The following CDH23 variants were observed in gnomAD, a reference collection of about 807,000 sequenced individuals.
The protein encoded by CDH23 is cadherin-23.
A neutral mutation model predicts 317.1 loss-of-function variants in CDH23; 189 were observed. The observed-to-expected ratio is 0.60, with a 90% CI of 0.53 to 0.67. The LOEUF (loss-of-function observed/expected upper bound fraction) is 0.67, where lower values mean the gene tolerates loss of function less well. CDH23 is among the 30% of genes least tolerant of loss of function. The pLI, the probability that CDH23 is intolerant of heterozygous loss-of-function variation, is 0.00. For synonymous variants in CDH23, 1,839 were observed against 1,876.8 expected (o/e 0.98, Z 0.52); for missense variants, 4,401 against 4,592.4 (o/e 0.96, Z 1.20).
At chr10:71,531,454 G>T (rs1039212608) in intron 6 of CDH23, among the ~76,000 whole-genome samples, 1 of 152,134 alleles carries the variant, frequency 6.6e-6, no homozygotes, top group Non-Finnish European at 1.5e-5. Flanking sequence ...ATGCCCATTT[G>T]CCCCTTATTT....
In CDH23 at chr10:71,791,337, T is replaced by C; in HGVS notation, c.6253+2T>C. 1 of 1,612,832 alleles carries C rather than the reference T, an allele frequency of 6.2e-7. No individual in the cohort carries two copies. On this transcript the variant is annotated splice_donor_variant, in intron 47 of 69. Coordinates refer to ENST00000224721, the MANE Select transcript of CDH23 (RefSeq NM_022124.6). LOFTEE classifies it high-confidence loss of function. ...ATCTGCTAGAGAACTGCCCGCCTGG[T>C]AAGCAGGGGACAGGCCCCAGCACCC...
intron 23 of CDH23, 85 bp downstream of exon 23, chr10:71,702,296 C>A: frequency 6.9e-7 from 1 of 1,443,312 alleles, no homozygotes; most frequent in Non-Finnish European, 9.6e-7. Context: ...TACCTGGGGC[C>A]CACCCAGGAG....
At chr10:71,761,982 C>T (rs146576171) in intron 38 of CDH23, 77 of 1,613,184 alleles carry the variant, frequency 4.8e-5, no homozygotes, top group Non-Finnish European at 6.0e-5. Context: ...TCGGGACAGA[C>T]ATACAGGGAA....
chr10:71,759,543 C>A (rs573864761), intron 38 of CDH23, among the ~76,000 whole-genome samples: 2 of 151,166 alleles, frequency 1.3e-5, no homozygotes, highest in Non-Finnish European at 2.9e-5. Flanking sequence ...GGCGTGGTGA[C>A]TCACACCTGT....
intron 9 of CDH23, among the ~76,000 whole-genome samples, chr10:71,592,462 T>C (rs6480533): frequency 0.12 from 18,510 of 152,174 alleles, 1,399 homozygotes; most frequent in African/African-American, 0.2. Context: ...GGCTGGTTCC[T>C]TCTAGAAACT....
chr10:71,454,614 G>T lies in CDH23; in HGVS notation c.145+8219G>T, dbSNP rs537554839. On this transcript the variant is annotated intron_variant, in intron 3 of 69. Transcript: ENST00000224721. ...CAGGTGGCCAAGCCAACTTGGGTATGTGTCTGTGCTCAGGCTGCAAAGGGG... is the reference window on the plus strand; with the variant it reads ...CAGGTGGCCAAGCCAACTTGGGTATTTGTCTGTGCTCAGGCTGCAAAGGGG... 3.0e-4 allele frequency among the ~76,000 whole-genome samples: 46 copies of T among 152,256 alleles called. 2 individuals carry two copies. The South Asian group carries it at 8.1e-3, about 27-fold the overall frequency.
chr10:71,691,068 C>G (rs1483667698), intron 20 of CDH23, among the ~76,000 whole-genome samples: 1 of 152,136 alleles, frequency 6.6e-6, no homozygotes, highest in African/African-American at 2.4e-5. Flanking sequence ...CCCTGGCACA[C>G]GAAAAGTGCT....
intron 53 of CDH23, among the ~76,000 whole-genome samples, chr10:71,802,476 A>G (rs1217981820): frequency 1.3e-5 from 2 of 152,168 alleles, no homozygotes; most frequent in Non-Finnish European, 2.9e-5. Flanking sequence ...CACAAATCGC[A>G]GTCAAGAGAA....
At chr10:71,642,690 G>A (rs967032114) in intron 11 of CDH23, among the ~76,000 whole-genome samples, 2 of 152,096 alleles carry the variant, frequency 1.3e-5, no homozygotes, top group Admixed American at 6.5e-5. Context: ...ATGAGCCACC[G>A]CACCCGGCCT....
intron 1 of CDH23, among the ~76,000 whole-genome samples, chr10:71,400,165 A>T (rs1220650785): frequency 6.6e-6 from 1 of 152,212 alleles, no homozygotes; most frequent in Non-Finnish European, 1.5e-5. Flanking sequence ...ATGCCGAGGC[A>T]TGGTGGCAAG....
intron 6 of CDH23, among the ~76,000 whole-genome samples, chr10:71,522,168 T>C (rs901621834): frequency 1.3e-5 from 2 of 151,972 alleles, no homozygotes; most frequent in African/African-American, 4.8e-5. Context: ...ACGTATTACT[T>C]AAGCTTACAT....
intron 3 of CDH23, among the ~76,000 whole-genome samples, chr10:71,509,077 G>A (rs931810723): frequency 1.3e-5 from 2 of 152,198 alleles, no homozygotes; most frequent in Admixed American, 6.5e-5. Context: ...CCTCAGGCCA[G>A]GGCTTTGCTT....
chr10:71,617,442 C>T (rs1175590022), intron 11 of CDH23, 49 bp downstream of exon 11: 2 of 1,592,290 alleles, frequency 1.3e-6, no homozygotes, highest in South Asian at 2.3e-5. Flanking sequence ...CCATCCAGAC[C>T]CACCACCCTG....
At chr10:71,811,925 C>T in intron 65 of CDH23, 30 bp from the exon 66 acceptor site, 1 of 1,613,430 alleles carries the variant, frequency 6.2e-7, no homozygotes, top group Non-Finnish European at 8.5e-7. Flanking sequence ...TATGCCCCTC[C>T]CCTCCATGCC....
intron 12 of CDH23, 140 bp downstream of exon 12, chr10:71,644,006 G>T (rs1027840180): frequency 1.4e-5 from 9 of 652,274 alleles, no homozygotes; most frequent in Non-Finnish European, 2.2e-5. Flanking sequence ...AGGGACCAAA[G>T]GTTCAGGGGA....
intron 6 of CDH23, among the ~76,000 whole-genome samples, chr10:71,536,247 CG>C (rs1049953309): frequency 6.6e-6 from 1 of 152,168 alleles, no homozygotes; most frequent in African/African-American, 2.4e-5. Flanking sequence ...GCACCCTGAA[CG>C]GTATGGCTTG....
Position 71,803,088 on chromosome 10 carries a change from C to A in CDH23, c.7660+13C>A. 1 of 1,605,000 alleles carries A rather than the reference C, an allele frequency of 6.2e-7. No individual in the cohort carries two copies. Among genetic ancestry groups the A allele is most frequent in the Non-Finnish European group, 8.5e-7 (1 of 1,172,948 alleles). ...GGCCCTGGCGTGGGTATGTGGCCTT[C>A]CTTGGACACCCATGATGTCTTGGGG... On this transcript the variant is annotated intron_variant, in intron 54 of 69. Coordinates refer to ENST00000224721, the MANE Select transcript of CDH23 (RefSeq NM_022124.6).
chr10:71,401,722 C>T (rs1356620822), intron 1 of CDH23, among the ~76,000 whole-genome samples: 1 of 152,134 alleles, frequency 6.6e-6, no homozygotes, highest in Admixed American at 6.5e-5. Context: ...AGGGGCAAAA[C>T]CCATCTACGT....
chr10:71,779,239 C>A, intron 40 of CDH23, 28 bp from the exon 41 acceptor site: 1 of 1,611,990 alleles, frequency 6.2e-7, no homozygotes, highest in Non-Finnish European at 8.5e-7. Flanking sequence ...TGGGGTGAGG[C>A]CTTGGCTAAG....
Sources: gnomAD v4.1 joint callset for allele counts (sites outside exome capture counted in the v4.1 genomes callset) on GRCh38, gnomAD v4.1.1 for gene constraint, MANE v1.5 for transcripts, NCBI Gene and HGNC (gene_info 2026-07-23, HGNC 2026-07-21) for gene names.